CAPN13: variants seen among roughly 807,000 people sequenced by gnomAD.
CAPN13 encodes the protein calpain-13.
A neutral mutation model predicts 98.4 loss-of-function variants in CAPN13; 90 were observed. The observed-to-expected ratio is 0.92, with a 90% CI of 0.77 to 1.09. The LOEUF (loss-of-function observed/expected upper bound fraction) is 1.09, where lower values mean the gene tolerates loss of function less well. Ranked by LOEUF, CAPN13 falls within the 50% of genes least tolerant of loss-of-function variation. The pLI is 0.00. For missense variants in CAPN13, 887 were observed against 841.3 expected (o/e 1.05, Z -0.67); for synonymous variants, 330 against 305.5 (o/e 1.08, Z -0.84).
intron 19 of CAPN13, among the ~76,000 whole-genome samples, chr2:30,733,032 C>G (rs1671183835): frequency 6.6e-6 from 1 of 152,182 alleles, no homozygotes; most frequent in Admixed American, 6.5e-5. Context: ...AAAAGACTGA[C>G]CCTTGGCGGG....
intron 7 of CAPN13, among the ~76,000 whole-genome samples, chr2:30,762,111 G>A (rs560400944): frequency 6.6e-6 from 1 of 152,336 alleles, no homozygotes; most frequent in South Asian, 2.1e-4. Flanking sequence ...CCGCAAGTGT[G>A]GTGACAAATG....
intron 5 of CAPN13, 59 bp from the exon 6 acceptor site, chr2:30,764,365 G>A: frequency 1.3e-6 from 2 of 1,573,684 alleles, no homozygotes; most frequent in Admixed American, 1.7e-5. Context: ...TCTGGGAGGG[G>A]AGCTTGTGCA....
At chr2:30,757,935 G>T in intron 8 of CAPN13, 111 bp downstream of exon 8, 1 of 773,412 alleles carries the variant, frequency 1.3e-6, no homozygotes, top group Non-Finnish European at 2.0e-6. Flanking sequence ...GAGCTGGACA[G>T]GCCTGCAGTG....
chr2:30,743,449 G>T lies in CAPN13; in HGVS notation c.1379C>A (p.Ala460Glu), dbSNP rs1671753954. 6 of 1,613,888 alleles carry T rather than the reference G, an allele frequency of 3.7e-6. No homozygotes were observed. Among genetic ancestry groups the T allele is most frequent in the Non-Finnish European group, 5.1e-6 (6 of 1,179,892 alleles). ...CTCCGCTGATTTTCTCCGTGTCTGT[G>T]CAACCACAACATAGTTCCCAGGGCT... ...HLSPGNYVVV[A>E]QTRRKSAEFL... Residue 460 changes from alanine (A) to glutamate (E), a missense_variant, in exon 13 of 23, where the codon GCA becomes GAA. By Grantham distance (107) the Ala-to-Glu change is moderately radical. Coordinates refer to ENST00000295055, the MANE Select transcript of CAPN13 (RefSeq NM_144575.3).
At chr2:30,740,158 G>A (rs532479370) in intron 15 of CAPN13, among the ~76,000 whole-genome samples, 85 of 140,952 alleles carry the variant, frequency 6.0e-4, no homozygotes, top group African/African-American at 2.1e-3. Context: ...GCAATGGCAC[G>A]ATCTTGGCTC....
intron 15 of CAPN13, chr2:30,741,277 C>T: frequency 1.5e-6 from 1 of 658,268 alleles, no homozygotes; most frequent in Non-Finnish European, 1.9e-6. Flanking sequence ...GAGGCAGGGC[C>T]TGCCATCCTT....
chr2:30,780,044 G>A (rs1442817733), intron 2 of CAPN13, among the ~76,000 whole-genome samples: 6 of 152,230 alleles, frequency 3.9e-5, no homozygotes, highest in Non-Finnish European at 7.4e-5. Context: ...AAAATCTGAT[G>A]ATTTTTTGAC....
chr2:30,792,005 C>T (rs959754338), intron 1 of CAPN13, among the ~76,000 whole-genome samples: 6 of 152,094 alleles, frequency 3.9e-5, no homozygotes, highest in East Asian at 1.9e-4. Flanking sequence ...CCCTGAGCTA[C>T]GTGTTGTTCT....
chr2:30,759,269 C>G (rs1672696261), intron 7 of CAPN13, among the ~76,000 whole-genome samples: 1 of 151,966 alleles, frequency 6.6e-6, no homozygotes, highest in African/African-American at 2.4e-5. Flanking sequence ...CTTCCTGCCC[C>G]CTGTCTGGGG....
At chr2:30,725,438 C>CAG (rs1374025294) in intron 22 of CAPN13, among the ~76,000 whole-genome samples, 1 of 151,998 alleles carries the variant, frequency 6.6e-6, no homozygotes, top group East Asian at 1.9e-4. Context: ...GAGAGAGGAA[C>CAG]AGAAGTATTC....
At chr2:30,749,188 A>T (rs1055210467) in intron 11 of CAPN13, among the ~76,000 whole-genome samples, 6 of 152,202 alleles carry the variant, frequency 3.9e-5, no homozygotes, top group Non-Finnish European at 8.8e-5. Flanking sequence ...TGAATATCTG[A>T]AATGCAAATG....
At chr2:30,730,527 T>G (rs1415187379) in intron 22 of CAPN13, among the ~76,000 whole-genome samples, 1 of 152,198 alleles carries the variant, frequency 6.6e-6, no homozygotes, top group East Asian at 1.9e-4. Context: ...TAAAGGTCCA[T>G]TGGTCTACAT....
intron 15 of CAPN13, among the ~76,000 whole-genome samples, chr2:30,739,950 G>T (rs1174911368): frequency 6.6e-6 from 1 of 152,140 alleles, no homozygotes; most frequent in Admixed American, 6.5e-5. Context: ...CTGGCTACTT[G>T]GTGGATAGAC....
chr2:30,743,313 C>T (rs1002614822), intron 13 of CAPN13, 70 bp downstream of exon 13: 1 of 1,354,626 alleles, frequency 7.4e-7, no homozygotes, highest in South Asian at 1.2e-5. Flanking sequence ...GAGAACTGCC[C>T]ATAATTACAC....
chr2:30,784,637 G>C (rs1200874235), intron 2 of CAPN13, among the ~76,000 whole-genome samples: 1 of 152,188 alleles, frequency 6.6e-6, no homozygotes, highest in African/African-American at 2.4e-5. Context: ...GCCCAGAATA[G>C]GACATAAGCT....
intron 22 of CAPN13, among the ~76,000 whole-genome samples, chr2:30,727,026 C>T (rs1670881026): frequency 6.6e-6 from 1 of 152,138 alleles, no homozygotes; most frequent in South Asian, 2.1e-4. Context: ...AAAGGAACGT[C>T]CATAAATACA....
At chr2:30,788,840 T>C (rs1558341933) in intron 1 of CAPN13, among the ~76,000 whole-genome samples, 1 of 152,206 alleles carries the variant, frequency 6.6e-6, no homozygotes, top group South Asian at 2.1e-4. Context: ...GCAAGCATAT[T>C]TGGAGAGAAT....
Position 30,736,495 on chromosome 2 carries a change from G to A in CAPN13, c.1722+8C>T, listed in dbSNP as rs1205077971. 1 of 1,613,672 alleles carries A rather than the reference G, an allele frequency of 6.2e-7. No homozygotes were observed. Among genetic ancestry groups the A allele is most frequent in the African/African-American group, 1.3e-5 (1 of 75,030 alleles). ...TGAGAGTGCTAGTCACAGAGAATGT[G>A]CCCGTACCTGGTAGTGAACAAGGCG... On this transcript the variant is annotated splice_region_variant and intron_variant, in intron 18 of 22. Transcript: ENST00000295055.
chr2:30,735,623 C>A (rs1360206088), intron 18 of CAPN13, among the ~76,000 whole-genome samples: 3 of 152,160 alleles, frequency 2.0e-5, no homozygotes, highest in African/African-American at 7.2e-5. Flanking sequence ...GGGGAGTGGA[C>A]ATGCCAGCCG....
Sources: gnomAD v4.1 joint callset for allele counts (sites outside exome capture counted in the v4.1 genomes callset) on GRCh38, gnomAD v4.1.1 for gene constraint, MANE v1.5 for transcripts, NCBI Gene and HGNC (gene_info 2026-07-23, HGNC 2026-07-21) for gene names.